SHROOM3: variants seen among roughly 807,000 people sequenced by gnomAD.
SHROOM3 encodes the protein protein Shroom3.
A neutral mutation model predicts 138.6 loss-of-function variants in SHROOM3; 47 were observed. That is an observed-to-expected ratio of 0.34 (90% CI 0.27 to 0.43). The LOEUF (loss-of-function observed/expected upper bound fraction) is 0.43. Ranked by LOEUF, SHROOM3 falls within the 20% of genes least tolerant of loss-of-function variation. The pLI is 1.00. For synonymous variants in SHROOM3, 1,062 were observed against 1,063.3 expected, an observed-to-expected ratio of 1.00 and a Z score of 0.02; for missense variants, 2,491 against 2,596.5, an observed-to-expected ratio of 0.96 and a Z score of 0.88.
At chr4:76,534,933 A>AT (rs1181207995) in intron 1 of SHROOM3, among the ~76,000 whole-genome samples, 2 of 152,068 alleles carry the variant, frequency 1.3e-5, no homozygotes, top group Non-Finnish European at 2.9e-5. Flanking sequence ...CCCCAGATCC[A>AT]TTTTTGCATG....
chr4:76,663,415 A>G (rs1158291840), intron 2 of SHROOM3, among the ~76,000 whole-genome samples: 1 of 152,132 alleles, frequency 6.6e-6, no homozygotes, highest in African/African-American at 2.4e-5. Context: ...TTTTCAAGAT[A>G]GATTCCAGAG....
At chr4:76,450,267 CT>C (rs1286440174) in intron 1 of SHROOM3, among the ~76,000 whole-genome samples, 1 of 152,090 alleles carries the variant, frequency 6.6e-6, no homozygotes, top group Non-Finnish European at 1.5e-5. Flanking sequence ...TAAAAGTATA[CT>C]TTTTCATACA....
chr4:76,772,875 G>A (rs551047685), intron 10 of SHROOM3, among the ~76,000 whole-genome samples: 85 of 152,220 alleles, frequency 5.6e-4, no homozygotes, highest in South Asian at 1.9e-3. Context: ...GTGGGGGAGC[G>A]TAAGGCAGGA....
chr4:76,741,169 T>G lies in SHROOM3; in HGVS notation c.2996T>G (p.Val999Gly), dbSNP rs1440419937. The G allele has an allele frequency of 6.3e-7, 1 of 1,584,084 alleles. No homozygotes were observed. Among genetic ancestry groups the G allele is most frequent in the Admixed American group, 1.8e-5 (1 of 55,580 alleles). The change falls in exon 5 of 11, where the codon GTG becomes GGG. Residue 999 changes from valine to glycine, a missense_variant. Val to Gly is a moderately radical substitution (Grantham distance 109). Transcript: ENST00000296043. The surrounding 1 kb of genome is among the most constrained non-coding windows in gnomAD (Gnocchi z 6.2). ...GCTGAGGGCGACCTGGCCAGGCCCG[T>G]GCCCCCTGCCGCCCGGAGAGGTGCT... ...TPAEGDLARP[V>G]PPAARRGARR... is the part of the protein sequence containing the mutation.
At chr4:76,660,777 G>A (rs533919953) in intron 2 of SHROOM3, among the ~76,000 whole-genome samples, 2 of 151,314 alleles carry the variant, frequency 1.3e-5, no homozygotes, top group East Asian at 3.9e-4. Flanking sequence ...TGCCTGGCCT[G>A]ATGAATCATT....
chr4:76,482,922 G>A (rs1560520009), intron 1 of SHROOM3, among the ~76,000 whole-genome samples: 1 of 152,126 alleles, frequency 6.6e-6, no homozygotes, highest in Non-Finnish European at 1.5e-5. Flanking sequence ...TTTAATAAAT[G>A]GTGTTGGGAA....
chr4:76,633,668 A>G (rs1735405743), intron 2 of SHROOM3, among the ~76,000 whole-genome samples: 1 of 150,808 alleles, frequency 6.6e-6, no homozygotes, highest in African/African-American at 2.4e-5. Context: ...AAAAAAAAAA[A>G]AAAAAAAAAA....
At chr4:76,771,242 A>G (rs1442420403) in intron 10 of SHROOM3, among the ~76,000 whole-genome samples, 1 of 151,894 alleles carries the variant, frequency 6.6e-6, no homozygotes, top group Non-Finnish European at 1.5e-5. Context: ...GCCAGGCACC[A>G]TGGTGCGTGC....
chr4:76,507,248 T>C (rs894294032), intron 1 of SHROOM3, among the ~76,000 whole-genome samples: 2 of 152,164 alleles, frequency 1.3e-5, no homozygotes, highest in African/African-American at 4.8e-5. Flanking sequence ...ATTTAATAAA[T>C]AAATCCAAAT....
chr4:76,691,704 A>C (rs113648831), intron 2 of SHROOM3, among the ~76,000 whole-genome samples: 7,412 of 152,080 alleles, frequency 0.049, 600 homozygotes, highest in African/African-American at 0.16. Context: ...AGTGTGCCTG[A>C]GTTTTCTCCA....
chr4:76,667,038 C>A (rs1274825885), intron 2 of SHROOM3, among the ~76,000 whole-genome samples: 1 of 152,108 alleles, frequency 6.6e-6, no homozygotes, highest in Non-Finnish European at 1.5e-5. Flanking sequence ...TTCATAGAAA[C>A]AGAAAGTAGA....
At chr4:76,582,395 A>G (rs1023945315) in intron 2 of SHROOM3, among the ~76,000 whole-genome samples, 1 of 152,210 alleles carries the variant, frequency 6.6e-6, no homozygotes, top group Non-Finnish European at 1.5e-5. Context: ...AAATGAGCAA[A>G]GAAACCACAG....
chr4:76,484,381 G>C (rs1054759745), intron 1 of SHROOM3, among the ~76,000 whole-genome samples: 1 of 151,920 alleles, frequency 6.6e-6, no homozygotes, highest in South Asian at 2.1e-4. Flanking sequence ...AGATCAGCCT[G>C]GGCAACATAG....
Position 76,779,146 on chromosome 4 carries a change from G to T in SHROOM3, c.5960G>T (p.Gly1987Val), listed in dbSNP as rs1722670535. ...PIPAGGCTFS[G>V]IFPTLTSPL ...CCTGCTGGGGGCTGTACTTTCAGTGGTATTTTCCCAACATTAACCTCTCCA... is the reference window on the plus strand; with the variant it reads ...CCTGCTGGGGGCTGTACTTTCAGTGTTATTTTCCCAACATTAACCTCTCCA... Residue 1987 changes from glycine to valine, a missense_variant, in exon 11 of 11, where the codon GGT becomes GTT. By Grantham distance (109) the Gly-to-Val change is moderately radical (BLOSUM62 -3). Transcript: ENST00000296043. 9 of 1,613,252 alleles carry T rather than the reference G, an allele frequency of 5.6e-6. No individual in the cohort carries two copies. The highest frequency in any genetic ancestry group is 7.6e-6 in the Non-Finnish European group (9 of 1,179,494).
chr4:76,604,331 T>A (rs1457599618), intron 2 of SHROOM3, among the ~76,000 whole-genome samples: 1 of 152,208 alleles, frequency 6.6e-6, no homozygotes, highest in East Asian at 1.9e-4. Context: ...GTTGCTGACA[T>A]GTTGTATAAT....
chr4:76,598,247 C>T (rs558019227), intron 2 of SHROOM3, among the ~76,000 whole-genome samples: 49 of 152,100 alleles, frequency 3.2e-4, no homozygotes, highest in African/African-American at 1.1e-3. Context: ...AGGATGGTCT[C>T]GATCTCCTGA....
intron 1 of SHROOM3, among the ~76,000 whole-genome samples, chr4:76,530,108 T>C (rs1032423460): frequency 2.0e-5 from 3 of 152,242 alleles, no homozygotes; most frequent in African/African-American, 7.2e-5. Context: ...TCACTTTTCT[T>C]CAGAGATTCT....
At position 76,748,976 on chromosome 4, in the gene SHROOM3, C is replaced by T. The variant is rs1312737271; in HGVS notation, c.3754-41C>T. 3.8e-6 allele frequency: 6 copies of T among 1,592,226 alleles called. No individual in the cohort carries two copies. The South Asian group carries it at 5.5e-5, about 15-fold the overall frequency. ...CACCCTCTTGGTAAATTTAAACACC[C>T]GTTTATTGGCAGTAATGCTGTGCCT... On this transcript the variant is annotated intron_variant, in intron 5 of 10. Transcript: ENST00000296043.
intron 1 of SHROOM3, among the ~76,000 whole-genome samples, chr4:76,512,927 C>T (rs1325943574): frequency 6.6e-6 from 1 of 152,174 alleles, no homozygotes; most frequent in Non-Finnish European, 1.5e-5. Flanking sequence ...CAACTTCTTT[C>T]ACAATGTCAT....
Sources: allele counts gnomAD v4.1 joint callset (sites outside exome capture counted in the v4.1 genomes callset), GRCh38; gene constraint gnomAD v4.1.1; non-coding constraint Gnocchi (gnomAD v3.1); transcripts MANE v1.5; gene names NCBI Gene and HGNC (gene_info 2026-07-23, HGNC 2026-07-21).